Variants in TMEM135 observed in about 807,000 individuals in gnomAD.
TMEM135 encodes the protein peroxisomal membrane protein 52.
In TMEM135, 30 loss-of-function variants were observed where a neutral mutation model predicts 60.3. The ratio of observed to expected loss-of-function variants is 0.50; its 90% CI spans 0.37 to 0.68. The LOEUF is 0.68. Among genes scored for constraint, TMEM135 ranks in the 30% least tolerant of loss-of-function variants. The pLI, the probability that TMEM135 is intolerant of heterozygous loss-of-function variation, is 0.00. For synonymous variants in TMEM135, 190 were observed against 186.7 expected, an observed-to-expected ratio of 1.02 and a Z score of -0.14; for missense variants, 468 against 548.8, an observed-to-expected ratio of 0.85 and a Z score of 1.47.
intron 9 of TMEM135, among the ~76,000 whole-genome samples, chr11:87,308,429 C>T (rs2135446533): frequency 6.6e-6 from 1 of 152,150 alleles, no homozygotes; most frequent in Non-Finnish European, 1.5e-5. Flanking sequence ...ATTGATTGGA[C>T]AATTTGATTT....
chr11:87,042,075 ACCAATTTATT>A (rs1949754587), intron 1 of TMEM135, among the ~76,000 whole-genome samples: 1 of 152,264 alleles, frequency 6.6e-6, no homozygotes, highest in Non-Finnish European at 1.5e-5. Context: ...AAGGGCATGT[ACCAATTTATT>A]TAACGTGTAT....
chr11:87,321,184 T>C lies in TMEM135; in HGVS notation c.1245-17T>C, dbSNP rs1452950830. On this transcript the variant is annotated splice_polypyrimidine_tract_variant and intron_variant, in intron 14 of 14. Coordinates refer to ENST00000305494, the MANE Select transcript of TMEM135 (RefSeq NM_022918.4). The stretch of plus-strand genomic sequence containing the variant: ...AAACTATATTAATACTTGTTTACTG[T>C]ATTCTTTGTTTTACAGATTTGCTGT... 3 of 1,604,542 alleles carry C rather than the reference T, an allele frequency of 1.9e-6. No homozygotes were observed. The highest frequency in any genetic ancestry group is 2.6e-6 in the Non-Finnish European group (3 of 1,171,704).
intron 3 of TMEM135, among the ~76,000 whole-genome samples, chr11:87,072,827 T>A (rs965230595): frequency 6.6e-6 from 1 of 152,188 alleles, no homozygotes; most frequent in Non-Finnish European, 1.5e-5. Context: ...GTTTAAAGGT[T>A]TTGCCATAAG....
intron 6 of TMEM135, among the ~76,000 whole-genome samples, chr11:87,260,883 G>A (rs1941638237): frequency 6.6e-6 from 1 of 152,154 alleles, no homozygotes. Flanking sequence ...TGCAGATTAA[G>A]ATTCAGTAGG....
intron 5 of TMEM135, among the ~76,000 whole-genome samples, chr11:87,177,501 A>G (rs1939406598): frequency 6.6e-6 from 1 of 152,192 alleles, no homozygotes; most frequent in Admixed American, 6.5e-5. Context: ...TATAATAGCC[A>G]TAAGTTATAC....
intron 1 of TMEM135, among the ~76,000 whole-genome samples, chr11:87,043,579 T>C (rs1045324275): frequency 3.3e-5 from 5 of 151,680 alleles, no homozygotes; most frequent in Admixed American, 6.6e-5. Context: ...AAAAATTAGC[T>C]GGGCATGGTG....
chr11:87,189,438 A>G (rs2135314562), intron 5 of TMEM135, among the ~76,000 whole-genome samples: 1 of 152,160 alleles, frequency 6.6e-6, no homozygotes, highest in East Asian at 1.9e-4. Flanking sequence ...TGGGATTACA[A>G]GCGTGAGCCA....
intron 4 of TMEM135, among the ~76,000 whole-genome samples, chr11:87,114,235 C>G (rs1190719100): frequency 6.6e-6 from 1 of 152,080 alleles, no homozygotes; most frequent in African/African-American, 2.4e-5. Flanking sequence ...GTGAAACCAA[C>G]TCAAGAATGC....
chr11:87,223,072 G>A (rs1940679167), intron 5 of TMEM135, among the ~76,000 whole-genome samples: 1 of 151,852 alleles, frequency 6.6e-6, no homozygotes. Flanking sequence ...AGCATAGGAA[G>A]CTTGAAAGGA....
At chr11:87,079,815 G>C (rs141991600) in intron 3 of TMEM135, among the ~76,000 whole-genome samples, 1 of 148,748 alleles carries the variant, frequency 6.7e-6, no homozygotes, top group African/African-American at 2.5e-5. Context: ...AAGATCATAT[G>C]ATCTTTTTTC....
At chr11:87,212,562 C>T (rs1194007636) in intron 5 of TMEM135, among the ~76,000 whole-genome samples, 3 of 152,092 alleles carry the variant, frequency 2.0e-5, no homozygotes, top group African/African-American at 7.2e-5. Context: ...TGGCTCATGC[C>T]TATAATTCCA....
intron 4 of TMEM135, among the ~76,000 whole-genome samples, chr11:87,130,933 T>C (rs894893712): frequency 1.5e-4 from 23 of 150,864 alleles, no homozygotes; most frequent in East Asian, 1.2e-3. Context: ...GTTACAGTTT[T>C]CTTTTTTTTT....
Position 87,324,525 on chromosome 11 carries a change from A to G in TMEM135, c.*3192A>G, listed in dbSNP as rs761988408. On this transcript the variant is annotated 3_prime_UTR_variant, in exon 15 of 15. Transcript: ENST00000305494. ...AAACCTCAAATTCCTTGGTTCAAGCAATTATTTCCCCTCAGTCTCTAATAG... is the reference window on the plus strand; with the variant it reads ...AAACCTCAAATTCCTTGGTTCAAGCGATTATTTCCCCTCAGTCTCTAATAG... 1 of 453,402 alleles carries G rather than the reference A, an allele frequency of 2.2e-6. No individual in the cohort carries two copies. The highest frequency in any genetic ancestry group is 1.6e-5 in the South Asian group (1 of 64,206). 28.1% of individuals were successfully genotyped at this position (453,402 alleles called of 1,614,324 possible). A position where few individuals can be genotyped will look rare whatever the true frequency, so the allele number is the denominator to read the frequency against.
chr11:87,062,243 A>T (rs1167731743), intron 1 of TMEM135, among the ~76,000 whole-genome samples: 1 of 151,874 alleles, frequency 6.6e-6, no homozygotes, highest in East Asian at 1.9e-4. Context: ...TGATCTCGTG[A>T]TCCGCCCACC....
At chr11:87,110,461 A>T (rs879790017) in intron 4 of TMEM135, among the ~76,000 whole-genome samples, 4 of 111,016 alleles carry the variant, frequency 3.6e-5, no homozygotes, top group Non-Finnish European at 5.7e-5. Flanking sequence ...CTTTGAATTT[A>T]AAAAAAAAAA....
intron 3 of TMEM135, among the ~76,000 whole-genome samples, chr11:87,087,925 A>T (rs1002176860): frequency 6.6e-6 from 1 of 151,932 alleles, no homozygotes; most frequent in Non-Finnish European, 1.5e-5. Flanking sequence ...TTTAGTAGAG[A>T]TGGGGTTTCT....
chr11:87,295,877 A>AG, intron 7 of TMEM135, 54 bp downstream of exon 7: 1 of 1,374,002 alleles, frequency 7.3e-7, no homozygotes. Flanking sequence ...AACTTAAAAA[A>AG]TTATACATAA....
At chr11:87,118,731 C>T (rs563300265) in intron 4 of TMEM135, among the ~76,000 whole-genome samples, 104 of 152,266 alleles carry the variant, frequency 6.8e-4, no homozygotes, top group Non-Finnish European at 1.1e-3. Context: ...CGTGAGCCAC[C>T]GTGCCCAGCC....
At chr11:87,047,955 C>A (rs1025975490) in intron 1 of TMEM135, among the ~76,000 whole-genome samples, 2 of 95,510 alleles carry the variant, frequency 2.1e-5, no homozygotes, top group African/African-American at 5.4e-5. Context: ...TCCCAGCACG[C>A]AGCTGGAGAT....
Sources: allele counts gnomAD v4.1 joint callset (sites outside exome capture counted in the v4.1 genomes callset), GRCh38; gene constraint gnomAD v4.1.1; transcripts MANE v1.5; gene names NCBI Gene and HGNC (gene_info 2026-07-23, HGNC 2026-07-21).